The following EAF2 variants were observed in gnomAD, a reference collection of about 807,000 sequenced individuals.
The protein encoded by EAF2 is ELL-associated factor 2.
A neutral mutation model predicts 29.4 loss-of-function variants in EAF2; 29 were observed. That is an observed-to-expected ratio of 0.99 (90% CI 0.73 to 1.35). The LOEUF (loss-of-function observed/expected upper bound fraction) is 1.35. EAF2 is among the 40% of genes most tolerant of loss of function. The pLI is 0.00. For synonymous variants in EAF2, 103 were observed against 102.5 expected (o/e 1.00, Z -0.03); for missense variants, 292 against 312.0 (o/e 0.94, Z 0.48).
At chr3:121,868,567 C>A (rs1409170817) in intron 4 of EAF2, among the ~76,000 whole-genome samples, 1 of 152,122 alleles carries the variant, frequency 6.6e-6, no homozygotes, top group African/African-American at 2.4e-5. Context: ...CACTGCACTG[C>A]AGCTTGGGTG....
intron 5 of EAF2, among the ~76,000 whole-genome samples, chr3:121,883,868 T>C (rs1278731150): frequency 1.3e-5 from 2 of 152,244 alleles, no homozygotes; most frequent in Non-Finnish European, 2.9e-5. Flanking sequence ...AGGCTAATCT[T>C]ATATCTTCAA....
At chr3:121,876,118 A>G (rs934386494) in intron 5 of EAF2, among the ~76,000 whole-genome samples, 1 of 151,954 alleles carries the variant, frequency 6.6e-6, no homozygotes, top group Admixed American at 6.6e-5. Context: ...AAAACATGAT[A>G]GTGAAACTAC....
chr3:121,879,490 A>G (rs1709155525), intron 5 of EAF2, among the ~76,000 whole-genome samples: 1 of 152,002 alleles, frequency 6.6e-6, no homozygotes, highest in African/African-American at 2.4e-5. Context: ...TGTTTCCCCA[A>G]TGTTTTCTTC....
At chr3:121,866,678 T>C (rs1225614032) in intron 4 of EAF2, among the ~76,000 whole-genome samples, 1 of 151,884 alleles carries the variant, frequency 6.6e-6, no homozygotes, top group African/African-American at 2.4e-5. Flanking sequence ...TGAGCCAAGA[T>C]AGTGCCACTG....
At chr3:121,858,917 T>G (rs547378095) in intron 4 of EAF2, among the ~76,000 whole-genome samples, 42 of 152,338 alleles carry the variant, frequency 2.8e-4, no homozygotes, top group African/African-American at 9.1e-4. Flanking sequence ...CACCATATAT[T>G]AAACAGGGAA....
chr3:121,842,232 T>C (rs188585401), intron 1 of EAF2, among the ~76,000 whole-genome samples: 1 of 152,218 alleles, frequency 6.6e-6, no homozygotes, highest in African/African-American at 2.4e-5. Context: ...AGTCCACTAG[T>C]ATAGGCACCC....
chr3:121,877,025 G>A (rs980221237), intron 5 of EAF2, among the ~76,000 whole-genome samples: 1 of 151,744 alleles, frequency 6.6e-6, no homozygotes, highest in Non-Finnish European at 1.5e-5. Flanking sequence ...AAAAAAAGAT[G>A]CTAGCTAAGT....
chr3:121,848,161 A>G lies in EAF2; in HGVS notation c.201+3614A>G, dbSNP rs1708562623. On this transcript the variant is annotated intron_variant, in intron 2 of 5. Coordinates refer to ENST00000273668, the MANE Select transcript of EAF2 (RefSeq NM_018456.6). ...ACCTTTGTTATAATTGATAGAAAAG[A>G]TGCATTTTGGACATGGAATTGTTAA... is the stretch of plus-strand genomic sequence containing the variant. 2.6e-5 allele frequency among the ~76,000 whole-genome samples: 4 copies of G among 152,284 alleles called. No individual in the cohort carries two copies. The South Asian group carries it at 8.3e-4, about 32-fold the overall frequency.
At chr3:121,840,189 GAAA>G (rs35521886) in intron 1 of EAF2, among the ~76,000 whole-genome samples, 41 of 69,614 alleles carry the variant, frequency 5.9e-4, no homozygotes, top group South Asian at 5.8e-3. Context: ...ATTCTCTCAG[GAAA>G]AAAAAAAAAA....
chr3:121,870,327 A>G (rs1003731844), intron 4 of EAF2, among the ~76,000 whole-genome samples: 1 of 152,218 alleles, frequency 6.6e-6, no homozygotes, highest in African/African-American at 2.4e-5. Context: ...ATAATTATGC[A>G]ACATGAACAA....
intron 4 of EAF2, among the ~76,000 whole-genome samples, chr3:121,859,220 G>C (rs574146135): frequency 6.6e-6 from 1 of 152,278 alleles, no homozygotes; most frequent in African/African-American, 2.4e-5. Flanking sequence ...GCCATTGATA[G>C]CTTGATGGAG....
intron 5 of EAF2, chr3:121,872,998 C>G: frequency 1.3e-6 from 1 of 783,092 alleles, no homozygotes. Context: ...GATAATCTTT[C>G]CTCTCACTCC....
intron 2 of EAF2, among the ~76,000 whole-genome samples, chr3:121,847,839 G>T (rs747783737): frequency 1.3e-5 from 2 of 152,122 alleles, no homozygotes; most frequent in South Asian, 4.1e-4. Context: ...TTTTAGGAAG[G>T]CCTGTCTTCT....
At chr3:121,871,807 G>A (rs543451785) in intron 4 of EAF2, among the ~76,000 whole-genome samples, 2 of 151,928 alleles carry the variant, frequency 1.3e-5, no homozygotes, top group African/African-American at 4.8e-5. Context: ...TGACTTAAAA[G>A]TCAGTAGATT....
intron 2 of EAF2, among the ~76,000 whole-genome samples, chr3:121,846,661 T>A (rs1370227961): frequency 1.3e-5 from 2 of 151,536 alleles, no homozygotes; most frequent in Non-Finnish European, 2.9e-5. Context: ...GTCTATTGTC[T>A]CAGGCTATAC....
intron 4 of EAF2, among the ~76,000 whole-genome samples, chr3:121,861,052 T>C (rs1341090152): frequency 1.3e-5 from 2 of 152,234 alleles, no homozygotes; most frequent in African/African-American, 2.4e-5. Flanking sequence ...TTGTGATTTC[T>C]ATTCTTTTAT....
chr3:121,854,374 T>C (rs1439388768), intron 2 of EAF2, among the ~76,000 whole-genome samples: 2 of 151,270 alleles, frequency 1.3e-5, no homozygotes, highest in Non-Finnish European at 2.9e-5. Flanking sequence ...TGTTTCCTTA[T>C]CCATAAAATA....
At chr3:121,847,647 G>T (rs572721466) in intron 2 of EAF2, among the ~76,000 whole-genome samples, 7 of 152,018 alleles carry the variant, frequency 4.6e-5, no homozygotes, top group African/African-American at 1.4e-4. Flanking sequence ...TTGGGGAGAG[G>T]GGGGGAGGAA....
chr3:121,851,696 T>C (rs1223948215), intron 2 of EAF2, among the ~76,000 whole-genome samples: 1 of 152,172 alleles, frequency 6.6e-6, no homozygotes. Flanking sequence ...GAAAGATTTT[T>C]AAGCAAGGGA....
Sources: gnomAD v4.1 joint callset for allele counts (sites outside exome capture counted in the v4.1 genomes callset) on GRCh38, gnomAD v4.1.1 for gene constraint, MANE v1.5 for transcripts, NCBI Gene and HGNC (gene_info 2026-07-23, HGNC 2026-07-21) for gene names.